ARHGAP17: variants seen among roughly 807,000 people sequenced by gnomAD.
ARHGAP17 encodes Rho GTPase activating protein 17, also known as rho GTPase-activating protein 17.
In ARHGAP17, 57 loss-of-function variants were observed where a neutral mutation model predicts 99.5. The observed-to-expected ratio is 0.57, with a 90% CI of 0.46 to 0.71. ARHGAP17 has a LOEUF of 0.71. Ranked by LOEUF, ARHGAP17 falls within the 30% of genes least tolerant of loss-of-function variation. ARHGAP17 has a pLI of 0.00. For missense variants in ARHGAP17, 1,000 were observed against 1,122.4 expected, an observed-to-expected ratio of 0.89 and a Z score of 1.56; for synonymous variants, 417 against 429.6, an observed-to-expected ratio of 0.97 and a Z score of 0.36.
In ARHGAP17 at chr16:24,928,410, A is replaced by G. The variant is rs185257444; in HGVS notation, c.2515+2374T>C. Among the ~76,000 whole-genome samples, 31 of 152,374 alleles carry G rather than the reference A, an allele frequency of 2.0e-4. No individual in the cohort carries two copies. The East Asian group carries it at 6.0e-3, about 29-fold the overall frequency. ...GTAAAATTTCACTTATCTAATAATT[A>G]CAGGCAGTATATTACAGTGTTGTAG... On this transcript the variant is annotated intron_variant, in intron 19 of 19. Transcript: ENST00000289968.
intron 1 of ARHGAP17, 149 bp from the exon 2 acceptor site, chr16:24,979,154 C>A: frequency 3.4e-6 from 2 of 595,314 alleles, no homozygotes; most frequent in African/African-American, 2.0e-5. Context: ...ATTTTTACAT[C>A]AGAGAGCAAT....
chr16:24,944,044 G>C (rs980756416), intron 14 of ARHGAP17, among the ~76,000 whole-genome samples, 182 bp from the exon 15 acceptor site: 1 of 152,012 alleles, frequency 6.6e-6, no homozygotes. Flanking sequence ...AGGCTGAGGC[G>C]GGCGGATCAC....
rs759840141 is a variant in ARHGAP17, at chr16:24,947,572, T to C, written c.1151A>G (p.Lys384Arg). Residue 384 changes from lysine to arginine, a missense_variant, in exon 14 of 20, where the codon AAG becomes AGG. This residue lies in a region of ARHGAP17 where 472 missense variants were observed against 611.1 expected (regional missense o/e 0.77). Coordinates refer to ENST00000289968, the MANE Select transcript of ARHGAP17 (RefSeq NM_001006634.3). ...NFRYLIKFLA[K>R]LAQTSDVNKM... ...ATTCACATCGCTGGTCTGAGCAAGC[T>C]TTGCAAGGAACTTGATCAAATATCT... 2 of 1,612,380 alleles carry C rather than the reference T, an allele frequency of 1.2e-6. No individual in the cohort carries two copies. The highest frequency in any genetic ancestry group is 1.1e-5 in the South Asian group (1 of 91,072).
At position 24,987,906 on chromosome 16, in the gene ARHGAP17, G is replaced by C. The variant is rs141338237; in HGVS notation, c.54-8901C>G. Among the ~76,000 whole-genome samples the C allele has an allele frequency of 2.4e-3, 373 of 152,306 alleles. 1 individual carries two copies. Among genetic ancestry groups the C allele is most frequent in the African/African-American group, 8.6e-3 (356 of 41,564 alleles). On this transcript the variant is annotated intron_variant, in intron 1 of 19. Coordinates refer to ENST00000289968, the MANE Select transcript of ARHGAP17 (RefSeq NM_001006634.3). Reference sequence around the variant, plus strand: ...AGACAGACTGTGACTAATCTACCAAGGATCTGAATATTGTATGTAGGGTAA... The same window carrying C: ...AGACAGACTGTGACTAATCTACCAACGATCTGAATATTGTATGTAGGGTAA...
chr16:24,944,150 A>G (rs2051397517), intron 14 of ARHGAP17, among the ~76,000 whole-genome samples: 1 of 151,848 alleles, frequency 6.6e-6, no homozygotes, highest in South Asian at 2.1e-4. Flanking sequence ...GCGTTCGCAT[A>G]GTCCCAGCTA....
At chr16:24,984,631 C>T (rs1028955916) in intron 1 of ARHGAP17, among the ~76,000 whole-genome samples, 8 of 151,468 alleles carry the variant, frequency 5.3e-5, no homozygotes, top group African/African-American at 1.7e-4. Flanking sequence ...CACTGCACTC[C>T]AGCCTGGGCG....
At chr16:24,988,416 T>G (rs2052938739) in intron 1 of ARHGAP17, among the ~76,000 whole-genome samples, 2 of 152,188 alleles carry the variant, frequency 1.3e-5, no homozygotes, top group African/African-American at 4.8e-5. Context: ...CAGAAAATAT[T>G]TTGGCAATGA....
chr16:24,938,223 G>A (rs2051195658), intron 17 of ARHGAP17, among the ~76,000 whole-genome samples: 2 of 152,098 alleles, frequency 1.3e-5, no homozygotes, highest in Admixed American at 6.6e-5. Flanking sequence ...AATTAGCCTG[G>A]CATGGTGGTG....
chr16:25,003,754 C>G (rs1043672818), intron 1 of ARHGAP17, among the ~76,000 whole-genome samples: 3 of 151,246 alleles, frequency 2.0e-5, no homozygotes, highest in African/African-American at 7.3e-5. Context: ...AACCTTGGAG[C>G]AGAGGTTGCA....
intron 1 of ARHGAP17, among the ~76,000 whole-genome samples, chr16:24,986,576 T>C (rs756112990): frequency 6.6e-6 from 1 of 152,240 alleles, no homozygotes; most frequent in Non-Finnish European, 1.5e-5. Flanking sequence ...ACAGCCAGGC[T>C]CATGCATTTG....
chr16:25,009,852 T>C (rs2053598494), intron 1 of ARHGAP17, among the ~76,000 whole-genome samples: 1 of 152,108 alleles, frequency 6.6e-6, no homozygotes, highest in South Asian at 2.1e-4. Flanking sequence ...GCTATGAGAA[T>C]GCAATGAAAT....
chr16:24,968,509 T>C, intron 5 of ARHGAP17, 82 bp from the exon 6 acceptor site: 3 of 1,570,690 alleles, frequency 1.9e-6, no homozygotes, highest in Non-Finnish European at 2.6e-6. Context: ...ACGTTTTTTC[T>C]CTAAGGCAAA....
intron 4 of ARHGAP17, among the ~76,000 whole-genome samples, chr16:24,969,814 G>A (rs115966025): frequency 5.3e-5 from 8 of 152,240 alleles, no homozygotes; most frequent in African/African-American, 1.4e-4. Flanking sequence ...GAATGGTGAC[G>A]AATGGGAGGA....
chr16:24,931,402 C>A lies in ARHGAP17; in HGVS notation c.1897G>T (p.Val633Phe). The change falls in exon 19 of 20, where the codon GTT becomes TTT. Residue 633 changes from valine to phenylalanine, a missense_variant and splice_region_variant. Physicochemically the swap from Val to Phe is conservative, Grantham distance 50 (BLOSUM62 -1). Coordinates refer to ENST00000289968, the MANE Select transcript of ARHGAP17 (RefSeq NM_001006634.3). Reference sequence around the variant, plus strand: ...GGGGGTGCTGGAGCGGGTTTTTTAACAGCTGCACAAAAAGAGAAAAAACAC... The same window carrying A: ...GGGGGTGCTGGAGCGGGTTTTTTAAAAGCTGCACAAAAAGAGAAAAAACAC... ...GPSPHTLRRA[V>F]KKPAPAPPKP... is the part of the protein sequence containing the mutation. 1.3e-6 allele frequency: 2 copies of A among 1,504,212 alleles called. No homozygotes were observed. The highest frequency in any genetic ancestry group is 1.8e-6 in the Non-Finnish European group (2 of 1,129,502). The allele number at this position is 1,504,212 out of a possible 1,614,324, so 93.2% of individuals were successfully genotyped here. A position where few individuals can be genotyped will look rare whatever the true frequency, so the allele number is the denominator to read the frequency against.
chr16:24,984,323 A>G (rs1018999490), intron 1 of ARHGAP17, among the ~76,000 whole-genome samples: 36 of 152,242 alleles, frequency 2.4e-4, no homozygotes, highest in African/African-American at 3.1e-4. Flanking sequence ...AGAGAGCTCT[A>G]AAGTCATCAC....
rs754266454 is a variant in ARHGAP17 at position 24,959,708 on chromosome 16, G to A, written c.687C>T (p.Val229=). 2.5e-6 allele frequency: 4 copies of A among 1,614,120 alleles called. No homozygotes were observed. The highest frequency in any genetic ancestry group is 2.5e-6 in the Non-Finnish European group (3 of 1,180,026). Residue 229 remains valine (V), a synonymous_variant, in exon 9 of 20, where the codon GTC becomes GTT. Transcript: ENST00000289968. ...GCATTTCGGGGAGGGTCTTTTCTAA[G>A]ACTGCTAATGCTTTTCTATGGTAAT... ...QADYHRKALA[V]LEKTLPEMRA...
At chr16:24,945,974 T>A (rs1328735831) in intron 14 of ARHGAP17, among the ~76,000 whole-genome samples, 1 of 152,212 alleles carries the variant, frequency 6.6e-6, no homozygotes, top group East Asian at 1.9e-4. Flanking sequence ...ATGTCAATGA[T>A]TCAACCTCTA....
intron 7 of ARHGAP17, among the ~76,000 whole-genome samples, chr16:24,961,143 C>T (rs2051984644): frequency 5.3e-5 from 8 of 151,762 alleles, no homozygotes; most frequent in Admixed American, 5.2e-4. Flanking sequence ...GGATTACAGG[C>T]GTGAGCCACC....
intron 13 of ARHGAP17, among the ~76,000 whole-genome samples, chr16:24,948,331 G>A (rs142036900): frequency 8.7e-4 from 133 of 152,288 alleles, no homozygotes; most frequent in African/African-American, 3.0e-3. Flanking sequence ...ATCTGCTTAC[G>A]TCTACATTAA....
Sources: allele counts gnomAD v4.1 joint callset (sites outside exome capture counted in the v4.1 genomes callset), GRCh38; gene constraint gnomAD v4.1.1; regional missense constraint gnomAD v4.1.1; transcripts MANE v1.5; gene names NCBI Gene and HGNC (gene_info 2026-07-23, HGNC 2026-07-21).